NALF1: variants seen among roughly 807,000 people sequenced by gnomAD.
The protein encoded by NALF1 is family with sequence similarity 155 member A.
NALF1 carries 3 observed loss-of-function variants against 48.4 expected under a neutral mutation model. The ratio of observed to expected loss-of-function variants is 0.06; its 90% CI spans 0.03 to 0.16. NALF1 has a LOEUF of 0.16. Among genes scored for constraint, NALF1 ranks in the 10% least tolerant of loss-of-function variants. The pLI is 1.00. For synonymous variants in NALF1, 262 were observed against 245.7 expected, an observed-to-expected ratio of 1.07 and a Z score of -0.62; for missense variants, 526 against 571.5, an observed-to-expected ratio of 0.92 and a Z score of 0.81.
At chr13:107,502,358 A>G (rs967338340) in intron 1 of NALF1, among the ~76,000 whole-genome samples, 1 of 152,144 alleles carries the variant, frequency 6.6e-6, no homozygotes, top group Non-Finnish European at 1.5e-5. Flanking sequence ...TAATGCTCTG[A>G]GTTAAATTCC....
chr13:107,361,752 A>C (rs1431718302), intron 1 of NALF1, among the ~76,000 whole-genome samples: 1 of 152,230 alleles, frequency 6.6e-6, no homozygotes, highest in African/African-American at 2.4e-5. Context: ...TCAATTTATA[A>C]GTAAGAAATC....
intron 1 of NALF1, among the ~76,000 whole-genome samples, chr13:107,748,971 G>A (rs2138550750): frequency 6.6e-6 from 1 of 152,210 alleles, no homozygotes; most frequent in Middle Eastern, 3.4e-3. Context: ...GGCTGGTAAT[G>A]TTGGAATAAA....
intron 2 of NALF1, among the ~76,000 whole-genome samples, chr13:107,184,758 T>C (rs557144042): frequency 2.6e-4 from 39 of 152,346 alleles, no homozygotes; most frequent in Non-Finnish European, 5.1e-4. Flanking sequence ...AAATATATGC[T>C]ATTATTTTGT....
intron 1 of NALF1, among the ~76,000 whole-genome samples, chr13:107,409,396 G>C (rs1326243114): frequency 6.6e-6 from 1 of 152,018 alleles, no homozygotes; most frequent in Non-Finnish European, 1.5e-5. Context: ...GTGAAGGAAA[G>C]GTAGAGGGAA....
At chr13:107,823,890 G>C (rs1422241912) in intron 1 of NALF1, among the ~76,000 whole-genome samples, 1 of 152,084 alleles carries the variant, frequency 6.6e-6, no homozygotes. Context: ...TACTGCATAA[G>C]GCTGTTGGGA....
chr13:107,570,114 G>T (rs914969999), intron 1 of NALF1, among the ~76,000 whole-genome samples: 10 of 151,474 alleles, frequency 6.6e-5, no homozygotes, highest in African/African-American at 1.9e-4. Context: ...GTACACCTTG[G>T]TGTTTTCTAT....
chr13:107,350,990 T>C (rs1264570083), intron 1 of NALF1, among the ~76,000 whole-genome samples: 1 of 152,202 alleles, frequency 6.6e-6, no homozygotes, highest in African/African-American at 2.4e-5. Context: ...CTGTAGTCCA[T>C]TAAGTGATCC....
intron 1 of NALF1, among the ~76,000 whole-genome samples, chr13:107,564,417 A>G (rs1877730254): frequency 6.6e-6 from 1 of 152,162 alleles, no homozygotes; most frequent in Non-Finnish European, 1.5e-5. Context: ...CCTGTCCTGG[A>G]GTAAAGCAAA....
At chr13:107,301,330 G>A (rs565079493) in intron 1 of NALF1, among the ~76,000 whole-genome samples, 258 of 152,174 alleles carry the variant, frequency 1.7e-3, no homozygotes, top group South Asian at 0.013. Flanking sequence ...ATTAAAAAGC[G>A]AAAAAGAGAA....
At chr13:107,193,379 T>C (rs537369593) in intron 2 of NALF1, among the ~76,000 whole-genome samples, 1 of 152,122 alleles carries the variant, frequency 6.6e-6, no homozygotes, top group Non-Finnish European at 1.5e-5. Context: ...TTGCAGTGCA[T>C]CCTTATTACT....
At chr13:107,325,845 CACACACACACATATATATATATATAT>C (rs1187599972) in intron 1 of NALF1, among the ~76,000 whole-genome samples, 5 of 44,072 alleles carry the variant, frequency 1.1e-4, no homozygotes, top group East Asian at 7.4e-4. Flanking sequence ...TGTCTCAACA[CACACACACACATATATATATATATAT>C]ATATATATAT....
intron 1 of NALF1, among the ~76,000 whole-genome samples, chr13:107,763,334 C>T (rs573076234): frequency 1.6e-4 from 25 of 152,114 alleles, no homozygotes; most frequent in African/African-American, 5.8e-4. Flanking sequence ...AGATGCTATT[C>T]TCCATATAAT....
At chr13:107,364,787 G>A (rs1170373959) in intron 1 of NALF1, among the ~76,000 whole-genome samples, 4 of 66,056 alleles carry the variant, frequency 6.1e-5, no homozygotes, top group Non-Finnish European at 1.5e-4. Context: ...GTAAGAGCCT[G>A]ACAACCTGAC....
intron 1 of NALF1, among the ~76,000 whole-genome samples, chr13:107,344,688 T>A (rs1882742148): frequency 6.6e-6 from 1 of 152,042 alleles, no homozygotes; most frequent in Non-Finnish European, 1.5e-5. Flanking sequence ...TGTAACATAA[T>A]AAAGGTCATA....
At chr13:107,639,575 AT>A (rs1270674994) in intron 1 of NALF1, among the ~76,000 whole-genome samples, 1 of 150,694 alleles carries the variant, frequency 6.6e-6, no homozygotes, top group East Asian at 2.0e-4. Flanking sequence ...CTGTGCCCTG[AT>A]TGCAGCCTGT....
At chr13:107,312,025 G>T (rs1289672279) in intron 1 of NALF1, among the ~76,000 whole-genome samples, 1 of 152,106 alleles carries the variant, frequency 6.6e-6, no homozygotes, top group Non-Finnish European at 1.5e-5. Flanking sequence ...GATTCCTCAG[G>T]GATCTAGAAC....
At chr13:107,665,380 T>A (rs1880831126) in intron 1 of NALF1, among the ~76,000 whole-genome samples, 1 of 152,168 alleles carries the variant, frequency 6.6e-6, no homozygotes, top group Non-Finnish European at 1.5e-5. Flanking sequence ...GTCAGTATCA[T>A]GATAGTTCTT....
chr13:107,491,907 T>C (rs1389496938), intron 1 of NALF1, among the ~76,000 whole-genome samples: 1 of 152,036 alleles, frequency 6.6e-6, no homozygotes, highest in Non-Finnish European at 1.5e-5. Context: ...ATGTTAATGA[T>C]AATATCATTC....
chr13:107,838,611 A>G (rs1326127364), intron 1 of NALF1, among the ~76,000 whole-genome samples: 1 of 152,206 alleles, frequency 6.6e-6, no homozygotes, highest in African/African-American at 2.4e-5. Context: ...AAGAGATCTT[A>G]GCAGAAACAA....
Sources: gnomAD v4.1 joint callset for allele counts (sites outside exome capture counted in the v4.1 genomes callset) on GRCh38, gnomAD v4.1.1 for gene constraint, MANE v1.5 for transcripts, NCBI Gene and HGNC (gene_info 2026-07-23, HGNC 2026-07-21) for gene names.